The following MINDY4 variants were observed in gnomAD, a reference collection of about 807,000 sequenced individuals.
The protein encoded by MINDY4 is probable ubiquitin carboxyl-terminal hydrolase MINDY-4.
Under a neutral mutation model 87.0 loss-of-function variants are expected in MINDY4, and 68 were observed. That is an observed-to-expected ratio of 0.78 (90% CI 0.64 to 0.96). MINDY4 has a LOEUF of 0.96. Ranked by LOEUF, MINDY4 falls within the 40% of genes least tolerant of loss-of-function variation. The pLI, the probability that MINDY4 is intolerant of heterozygous loss-of-function variation, is 0.00. For missense variants in MINDY4, 919 were observed against 928.2 expected (o/e 0.99, Z 0.13); for synonymous variants, 379 against 363.2 (o/e 1.04, Z -0.50).
At chr7:30,853,220 C>A (rs762048529) in intron 11 of MINDY4, among the ~76,000 whole-genome samples, 174 bp from the exon 12 acceptor site, 17 of 152,222 alleles carry the variant, frequency 1.1e-4, no homozygotes, top group Non-Finnish European at 2.4e-4. Context: ...GCCTTTCACT[C>A]ACATACAGGT....
chr7:30,844,083 G>A (rs984900500), intron 9 of MINDY4, among the ~76,000 whole-genome samples: 2 of 152,210 alleles, frequency 1.3e-5, no homozygotes, highest in Non-Finnish European at 1.5e-5. Flanking sequence ...GGTGCTGCTT[G>A]TAGCCCACCC....
chr7:30,824,318 C>T (rs1788432474), intron 5 of MINDY4, among the ~76,000 whole-genome samples: 1 of 152,188 alleles, frequency 6.6e-6, no homozygotes, highest in African/African-American at 2.4e-5. Context: ...CCCATAACAA[C>T]TTGTTAATTT....
At chr7:30,862,930 G>A (rs1438227717) in intron 13 of MINDY4, among the ~76,000 whole-genome samples, 1 of 152,216 alleles carries the variant, frequency 6.6e-6, no homozygotes, top group Non-Finnish European at 1.5e-5. Flanking sequence ...CTCACTGTGT[G>A]AAGCAGATGC....
chr7:30,881,562 C>A (rs1044022521), intron 15 of MINDY4, among the ~76,000 whole-genome samples: 3 of 152,186 alleles, frequency 2.0e-5, no homozygotes, highest in East Asian at 1.9e-4. Context: ...TGAGGAATTT[C>A]ATTCACCCGA....
At chr7:30,807,347 A>T (rs12690796) in intron 5 of MINDY4, among the ~76,000 whole-genome samples, 1 of 151,922 alleles carries the variant, frequency 6.6e-6, no homozygotes, top group Non-Finnish European at 1.5e-5. Context: ...CAGAATTCTC[A>T]CACCCATAGT....
chr7:30,861,058 C>T (rs1384393639), intron 13 of MINDY4, among the ~76,000 whole-genome samples: 2 of 152,216 alleles, frequency 1.3e-5, no homozygotes, highest in African/African-American at 4.8e-5. Context: ...CACACAGAGA[C>T]ACATAGTCCA....
intron 13 of MINDY4, among the ~76,000 whole-genome samples, chr7:30,869,607 T>G (rs576112510): frequency 6.6e-6 from 1 of 152,132 alleles, no homozygotes; most frequent in African/African-American, 2.4e-5. Context: ...GTGTGCATCT[T>G]TGGTGTCCCT....
chr7:30,869,188 G>T (rs1790028072), intron 13 of MINDY4, among the ~76,000 whole-genome samples: 1 of 152,178 alleles, frequency 6.6e-6, no homozygotes, highest in South Asian at 2.1e-4. Flanking sequence ...GGAGACAGCT[G>T]CTCATTAGAC....
intron 8 of MINDY4, among the ~76,000 whole-genome samples, chr7:30,840,358 G>C (rs1788993303): frequency 6.6e-6 from 1 of 152,238 alleles, no homozygotes; most frequent in Non-Finnish European, 1.5e-5. Flanking sequence ...GAGATGGTCA[G>C]GAAAGGCTTC....
intron 5 of MINDY4, among the ~76,000 whole-genome samples, chr7:30,824,783 AG>A (rs1436427268): frequency 1.3e-5 from 2 of 152,166 alleles, no homozygotes; most frequent in African/African-American, 2.4e-5. Flanking sequence ...TATGTTGCCC[AG>A]GCTGGCCTCA....
chr7:30,808,808 C>T (rs1015761992), intron 5 of MINDY4, among the ~76,000 whole-genome samples: 1 of 151,970 alleles, frequency 6.6e-6, no homozygotes, highest in African/African-American at 2.4e-5. Flanking sequence ...TTTAGAGCCC[C>T]GTCGTCGGCC....
chr7:30,878,989 A>C (rs1388755177), intron 15 of MINDY4, among the ~76,000 whole-genome samples: 1 of 152,110 alleles, frequency 6.6e-6, no homozygotes, highest in Non-Finnish European at 1.5e-5. Context: ...CCCCCTTTCC[A>C]ATCCTGTCCC....
intron 13 of MINDY4, among the ~76,000 whole-genome samples, chr7:30,861,591 C>G (rs981904508): frequency 7.2e-5 from 11 of 152,242 alleles, no homozygotes; most frequent in African/African-American, 2.4e-4. Flanking sequence ...AGGCCTGACT[C>G]TCTACTCCTC....
Position 30,877,770 on chromosome 7 carries a change from C to A in MINDY4, c.1971+2114C>A, listed in dbSNP as rs1211662089. Among the ~76,000 whole-genome samples, 5 of 138,146 alleles carry A rather than the reference C, an allele frequency of 3.6e-5. No homozygotes were observed. The Admixed American group carries it at 3.8e-4, about 10-fold the overall frequency. 90.6% of individuals were successfully genotyped at this position (138,146 alleles called of 152,430 possible). On this transcript the variant is annotated intron_variant, in intron 15 of 17. Coordinates refer to ENST00000265299, the MANE Select transcript of MINDY4 (RefSeq NM_032222.3). ...CACTGCAACCTCTGCCTCCTCTGTT[C>A]AAGCAATTCTTCTGCCTCAGCCTCC...
intron 6 of MINDY4, among the ~76,000 whole-genome samples, chr7:30,832,394 G>C (rs1008834413): frequency 6.6e-6 from 1 of 152,190 alleles, no homozygotes; most frequent in African/African-American, 2.4e-5. Flanking sequence ...CCTTTGTCTG[G>C]GGCCTCAGAT....
chr7:30,886,735 C>T (rs893766075), intron 17 of MINDY4, among the ~76,000 whole-genome samples: 1 of 152,200 alleles, frequency 6.6e-6, no homozygotes, highest in African/African-American at 2.4e-5. Flanking sequence ...TAATTCAAAC[C>T]ATCCCAGACC....
chr7:30,873,549 G>A (rs889325064), intron 14 of MINDY4, among the ~76,000 whole-genome samples: 1 of 152,184 alleles, frequency 6.6e-6, no homozygotes, highest in Non-Finnish European at 1.5e-5. Flanking sequence ...GTGGGTCTGG[G>A]CTGGGGCCTA....
intron 12 of MINDY4, chr7:30,859,032 G>A (rs943516765): frequency 1.4e-6 from 1 of 710,476 alleles, no homozygotes; most frequent in Non-Finnish European, 2.6e-6. Flanking sequence ...GCTCTCTTTG[G>A]TGGCCCCTGC....
chr7:30,828,250 GAAACAAACAAAC>G (rs551756217), intron 5 of MINDY4, among the ~76,000 whole-genome samples: 10 of 151,870 alleles, frequency 6.6e-5, no homozygotes, highest in Admixed American at 5.9e-4. Flanking sequence ...TAGGAGAGAG[GAAACAAACAAAC>G]AAAAAACATA....
Sources: gnomAD v4.1 joint callset for allele counts (sites outside exome capture counted in the v4.1 genomes callset) on GRCh38, gnomAD v4.1.1 for gene constraint, MANE v1.5 for transcripts, NCBI Gene and HGNC (gene_info 2026-07-23, HGNC 2026-07-21) for gene names.